Variants in NRDC observed in about 807,000 individuals in gnomAD.
NRDC encodes the protein nardilysin convertase.
A neutral mutation model predicts 147.1 loss-of-function variants in NRDC; 54 were observed. The observed-to-expected ratio is 0.37, with a 90% CI of 0.29 to 0.46. The LOEUF (loss-of-function observed/expected upper bound fraction) is 0.46, where lower values mean the gene tolerates loss of function less well. NRDC is among the 20% of genes least tolerant of loss of function. NRDC has a pLI of 1.00. For synonymous variants in NRDC, 440 were observed against 482.1 expected (o/e 0.91, Z 1.14); for missense variants, 1,082 against 1,370.6 (o/e 0.79, Z 3.33).
At position 51,816,809 on chromosome 1, in the gene NRDC, C is replaced by G. The variant is rs888610806; in HGVS notation, c.1362-420G>C. ...AAATGAAATGTGTTGTTCAGAGGGT[C>G]AGAAAATCTTGGTTCTAGTTTTAGT... is the stretch of plus-strand genomic sequence containing the variant. On this transcript the variant is annotated intron_variant, in intron 10 of 30. Transcript: ENST00000352171. Among the ~76,000 whole-genome samples the G allele has an allele frequency of 2.0e-5, 3 of 152,130 alleles. No homozygotes were observed. The South Asian group carries it at 6.2e-4, about 31-fold the overall frequency.
At chr1:51,846,187 C>T (rs1681567780) in intron 1 of NRDC, among the ~76,000 whole-genome samples, 1 of 152,048 alleles carries the variant, frequency 6.6e-6, no homozygotes, top group East Asian at 1.9e-4. Context: ...TCTCGGCTCA[C>T]TGCAACCTCC....
intron 4 of NRDC, among the ~76,000 whole-genome samples, chr1:51,830,355 C>A (rs77410422): frequency 1.1e-3 from 162 of 152,266 alleles, no homozygotes; most frequent in African/African-American, 3.8e-3. Flanking sequence ...TTTGTGTTAT[C>A]TGTTCTCAAT....
Position 51,827,881 on chromosome 1 carries a change from A to C in NRDC, c.867-12T>G. The C allele has an allele frequency of 6.2e-7, 1 of 1,612,466 alleles. No individual in the cohort carries two copies. The highest frequency in any genetic ancestry group is 8.5e-7 in the Non-Finnish European group (1 of 1,178,768). ...AGAACTGCGCCCATCTGAACAAAAA[A>C]CAAAACTGGCATTTCCGTTTTTGTT... is the stretch of plus-strand genomic sequence containing the variant. On this transcript the variant is annotated splice_polypyrimidine_tract_variant and intron_variant, in intron 4 of 30. Coordinates refer to ENST00000352171, the MANE Select transcript of NRDC (RefSeq NM_001101662.2).
At chr1:51,870,306 T>C (rs1683022074) in intron 1 of NRDC, among the ~76,000 whole-genome samples, 1 of 152,228 alleles carries the variant, frequency 6.6e-6, no homozygotes, top group Non-Finnish European at 1.5e-5. Context: ...ACAGAAAGAC[T>C]AGTACCATTT....
chr1:51,834,244 T>C (rs1680842059), intron 3 of NRDC, 74 bp from the exon 4 acceptor site: 2 of 1,456,960 alleles, frequency 1.4e-6, no homozygotes, highest in African/African-American at 1.4e-5. Flanking sequence ...AACTTTCTTA[T>C]ATGCATAGAA....
At chr1:51,846,379 G>T (rs1357370159) in intron 1 of NRDC, among the ~76,000 whole-genome samples, 2 of 152,140 alleles carry the variant, frequency 1.3e-5, no homozygotes, top group Non-Finnish European at 2.9e-5. Flanking sequence ...CTCCCAAAGT[G>T]CAGGAATTAC....
At chr1:51,819,024 G>A (rs1423150234) in intron 9 of NRDC, among the ~76,000 whole-genome samples, 1 of 152,126 alleles carries the variant, frequency 6.6e-6, no homozygotes, top group Non-Finnish European at 1.5e-5. Flanking sequence ...TCTGGAGGCC[G>A]GGCGTGGTGG....
In NRDC at chr1:51,814,586, A is replaced by C; in HGVS notation, c.1584T>G (p.Tyr528Ter). The change falls in exon 13 of 31, where the codon TAT (tyrosine) becomes TAG (stop). Residue 528 changes from tyrosine to a stop codon, truncating the protein, a stop_gained. Coordinates refer to ENST00000352171, the MANE Select transcript of NRDC (RefSeq NM_001101662.2). LOFTEE classifies it high-confidence loss of function. ...FYEVAYTVFQYLKMLQKLGPE... is the reference protein window; with the variant it reads ...FYEVAYTVFQ ...GGCCTAGCTTCTGCAGCATTTTTAA[A>C]TACTGAAAGACAGTGTAAGCAACCT... 6.2e-7 allele frequency: 1 copy of C among 1,613,714 alleles called. No individual in the cohort carries two copies. Among genetic ancestry groups the C allele is most frequent in the Non-Finnish European group, 8.5e-7 (1 of 1,179,642 alleles).
intron 1 of NRDC, among the ~76,000 whole-genome samples, chr1:51,849,912 C>A (rs940215424): frequency 6.6e-6 from 1 of 151,298 alleles, no homozygotes; most frequent in African/African-American, 2.5e-5. Context: ...GGTGTAGTGG[C>A]CCACGCCTCT....
intron 1 of NRDC, among the ~76,000 whole-genome samples, chr1:51,850,559 C>T (rs973777861): frequency 3.3e-5 from 5 of 152,170 alleles, no homozygotes; most frequent in Non-Finnish European, 7.3e-5. Flanking sequence ...GGAAAGTAAA[C>T]ATGCAACTTA....
chr1:51,836,274 T>C (rs1432213281), intron 2 of NRDC, 62 bp from the exon 3 acceptor site: 1 of 1,585,346 alleles, frequency 6.3e-7, no homozygotes, highest in African/African-American at 1.3e-5. Flanking sequence ...TATTCGCATC[T>C]TATCTTAAGG....
intron 15 of NRDC, 143 bp downstream of exon 15, chr1:51,811,851 T>C (rs986813321): frequency 2.3e-5 from 12 of 527,192 alleles, no homozygotes; most frequent in Non-Finnish European, 4.1e-5. Flanking sequence ...CACAAAACTG[T>C]TGATACTTCT....
chr1:51,859,255 G>A (rs760947522), intron 1 of NRDC, among the ~76,000 whole-genome samples: 1 of 152,198 alleles, frequency 6.6e-6, no homozygotes, highest in Non-Finnish European at 1.5e-5. Context: ...CTGTCTTTGT[G>A]TCTGTGTCTA....
At position 51,823,695 on chromosome 1, in the gene NRDC, A is replaced by G. The variant is rs1472797057; in HGVS notation, c.1128T>C (p.Ser376=). 2 of 1,609,366 alleles carry G rather than the reference A, an allele frequency of 1.2e-6. No individual in the cohort carries two copies. The highest frequency in any genetic ancestry group is 1.7e-6 in the Non-Finnish European group (2 of 1,176,230). ...ATTGAACCACTAAAGTCATGTAATG[A>G]GAAGAGTAGTAACGCATCCAGAATT... ...LREFWMRYYS[S]HYMTLVVQSK... Residue 376 remains serine (S), a synonymous_variant, in exon 7 of 31, where the codon TCT becomes TCC. Transcript: ENST00000352171.
chr1:51,819,599 C>G (rs1553207104), intron 9 of NRDC, among the ~76,000 whole-genome samples: 1 of 152,136 alleles, frequency 6.6e-6, no homozygotes, highest in Non-Finnish European at 1.5e-5. Context: ...AGCAGCAGGG[C>G]ACCAGAATCA....
At chr1:51,848,464 G>C (rs780947796) in intron 1 of NRDC, among the ~76,000 whole-genome samples, 1 of 152,134 alleles carries the variant, frequency 6.6e-6, no homozygotes, top group African/African-American at 2.4e-5. Context: ...CTGAATGACA[G>C]AGCGAGACTC....
At chr1:51,844,573 T>C (rs897596249) in intron 1 of NRDC, among the ~76,000 whole-genome samples, 8 of 151,570 alleles carry the variant, frequency 5.3e-5, no homozygotes, top group African/African-American at 1.5e-4. Flanking sequence ...AAACCCCGTC[T>C]CTACTAAAAA....
rs1679959737 is a variant in NRDC, at chr1:51,816,217, G to A, written c.1439+95C>T. ...CATTAAATTTTATTCTAGGCTTCCT[G>A]GCAGCTAAAGTAAAAGAATGCATTA... On this transcript the variant is annotated intron_variant, in intron 11 of 30. Transcript: ENST00000352171. The A allele has an allele frequency of 6.7e-6, 4 of 595,546 alleles. No homozygotes were observed. The Admixed American group carries it at 1.0e-4, about 16-fold the overall frequency. The allele number at this position is 595,546 out of a possible 1,614,324, so 36.9% of individuals were successfully genotyped here.
chr1:51,792,376 C>A lies in NRDC; in HGVS notation c.2823+1G>T. ...CCTCAGCATCTCCTTTATGCACTTA[C>A]CACAAGCAGCTCCATAAGCGTATAT... On this transcript the variant is annotated splice_donor_variant, in intron 25 of 30. Transcript: ENST00000352171. LOFTEE classifies it high-confidence loss of function. 1.2e-6 allele frequency: 2 copies of A among 1,614,056 alleles called. No homozygotes were observed. The highest frequency in any genetic ancestry group is 1.7e-6 in the Non-Finnish European group (2 of 1,179,944).
Sources: gnomAD v4.1 joint callset for allele counts (sites outside exome capture counted in the v4.1 genomes callset) on GRCh38, gnomAD v4.1.1 for gene constraint, MANE v1.5 for transcripts, NCBI Gene and HGNC (gene_info 2026-07-23, HGNC 2026-07-21) for gene names.